Variants in COL22A1 observed in about 807,000 individuals in gnomAD.
The protein encoded by COL22A1 is collagen type XXII alpha 1 chain, also known as collagen alpha-1(XXII) chain.
A neutral mutation model predicts 248.9 loss-of-function variants in COL22A1; 221 were observed. The observed-to-expected ratio is 0.89, with a 90% CI of 0.80 to 0.99. The LOEUF (loss-of-function observed/expected upper bound fraction) is 0.99, where lower values mean the gene tolerates loss of function less well. Among genes scored for constraint, COL22A1 ranks in the 50% least tolerant of loss-of-function variants. The pLI, the probability that COL22A1 is intolerant of heterozygous loss-of-function variation, is 0.00. For missense variants in COL22A1, 2,240 were observed against 2,179.0 expected (o/e 1.03, Z -0.56); for synonymous variants, 891 against 793.4 (o/e 1.12, Z -2.07).
intron 24 of COL22A1, among the ~76,000 whole-genome samples, 160 bp downstream of exon 24, chr8:138,725,227 G>T (rs1388080189): frequency 1.3e-5 from 2 of 152,236 alleles, no homozygotes; most frequent in Admixed American, 1.3e-4. Context: ...GGAGAGTCCA[G>T]AAGCTGGCGG....
At chr8:138,684,383 G>A (rs759160665) in intron 39 of COL22A1, 42 bp downstream of exon 39, 5 of 1,368,614 alleles carry the variant, frequency 3.7e-6, no homozygotes, top group Non-Finnish European at 4.2e-6. Flanking sequence ...TCTTTCAAAC[G>A]GCAACTCGTG....
At chr8:138,755,572 T>A in intron 19 of COL22A1, 61 bp from the exon 20 acceptor site, 1 of 1,571,672 alleles carries the variant, frequency 6.4e-7, no homozygotes, top group Non-Finnish European at 8.8e-7. Flanking sequence ...AGTCAACCTC[T>A]CTCAGCTGCA....
intron 3 of COL22A1, among the ~76,000 whole-genome samples, chr8:138,858,693 GC>G (rs966870442): frequency 6.6e-6 from 1 of 152,226 alleles, no homozygotes; most frequent in Admixed American, 6.5e-5. Context: ...ATCGCTCAGT[GC>G]TCGACCCCGG....
Position 138,830,646 on chromosome 8 carries a change from C to T in COL22A1, c.845+2393G>A, listed in dbSNP as rs182353012. On this transcript the variant is annotated intron_variant, in intron 5 of 64. Coordinates refer to ENST00000303045, the MANE Select transcript of COL22A1 (RefSeq NM_152888.3). ...CCACAGAGCATTGCCTGAATTCGGC[C>T]GCTTTGCTCTTTGATGCAAGTGCTT... 5.9e-3 allele frequency among the ~76,000 whole-genome samples: 893 copies of T among 152,322 alleles called. 11 individuals are homozygous for T. Among genetic ancestry groups the T allele is most frequent in the Non-Finnish European group, 8.2e-3 (556 of 68,038 alleles).
In COL22A1 at chr8:138,693,530, TTC is replaced by T; in HGVS notation, c.2754+114_2754+115del. On this transcript the variant is annotated intron_variant, in intron 35 of 64. Transcript: ENST00000303045. ...CCAACCACTCAAGTGTGGGTGAACC[TTC>T]TGGGCCACGTCCTCCTAGCTAGCCC... 2.7e-6 allele frequency: 3 copies of T among 1,095,440 alleles called. No individual in the cohort carries two copies. The South Asian group carries it at 4.0e-5, about 15-fold the overall frequency. The allele number at this position is 1,095,440 out of a possible 1,614,324, so 67.9% of individuals were successfully genotyped here.
intron 7 of COL22A1, among the ~76,000 whole-genome samples, chr8:138,820,707 C>CTT (rs1563807683): frequency 1.3e-5 from 2 of 151,960 alleles, no homozygotes; most frequent in African/African-American, 4.8e-5. Context: ...CACCTACCTG[C>CTT]ATATATATAT....
At chr8:138,811,294 CAT>C (rs555255717) in intron 9 of COL22A1, among the ~76,000 whole-genome samples, 173 of 129,218 alleles carry the variant, frequency 1.3e-3, no homozygotes, top group Admixed American at 1.7e-3. Context: ...CACACACACA[CAT>C]ATATATATAC....
At chr8:138,758,909 A>G (rs1180797995) in intron 18 of COL22A1, among the ~76,000 whole-genome samples, 1 of 152,162 alleles carries the variant, frequency 6.6e-6, no homozygotes, top group East Asian at 1.9e-4. Flanking sequence ...TATAACACCC[A>G]CACATAGGCG....
chr8:138,870,658 G>A (rs184185934), intron 3 of COL22A1, among the ~76,000 whole-genome samples: 23 of 151,882 alleles, frequency 1.5e-4, no homozygotes, highest in Admixed American at 3.9e-4. Context: ...TTCATGTGGC[G>A]TGTGCAAAAC....
chr8:138,685,711 G>A (rs1301544329), intron 37 of COL22A1, among the ~76,000 whole-genome samples: 2 of 152,120 alleles, frequency 1.3e-5, no homozygotes, highest in African/African-American at 4.8e-5. Context: ...GCCAAGGAGA[G>A]AGGCCTGGAA....
chr8:138,887,183 C>A (rs149246415), intron 1 of COL22A1, among the ~76,000 whole-genome samples: 35 of 151,900 alleles, frequency 2.3e-4, no homozygotes, highest in African/African-American at 8.5e-4. Context: ...CCACCTCTCC[C>A]CACCCCTAGC....
At chr8:138,721,933 ACC>A in intron 26 of COL22A1, 101 bp downstream of exon 26, 3 of 897,698 alleles carry the variant, frequency 3.3e-6, no homozygotes, top group Non-Finnish European at 5.4e-6. Flanking sequence ...CTGATCGAAG[ACC>A]CAGGCAATTG....
At chr8:138,910,732 T>C (rs1445477467) in intron 1 of COL22A1, among the ~76,000 whole-genome samples, 1 of 152,166 alleles carries the variant, frequency 6.6e-6, no homozygotes, top group Non-Finnish European at 1.5e-5. Flanking sequence ...CCCGCATCAT[T>C]CCCAGCATGT....
intron 12 of COL22A1, among the ~76,000 whole-genome samples, chr8:138,788,939 C>T (rs1254760358): frequency 6.6e-6 from 1 of 152,230 alleles, no homozygotes. Flanking sequence ...CCCACTGTTA[C>T]ACAGCTGCTA....
intron 52 of COL22A1, among the ~76,000 whole-genome samples, chr8:138,620,995 A>AT (rs1819752692): frequency 3.1e-4 from 7 of 22,914 alleles, no homozygotes; most frequent in Middle Eastern, 0.056. Flanking sequence ...CCATCCATCC[A>AT]CCCATCCATC....
At chr8:138,676,798 C>T (rs892726318) in intron 40 of COL22A1, among the ~76,000 whole-genome samples, 163 bp from the exon 41 acceptor site, 9 of 152,222 alleles carry the variant, frequency 5.9e-5, no homozygotes, top group Non-Finnish European at 1.5e-5. Context: ...CATCATCCCA[C>T]TCAGCCCAAT....
intron 27 of COL22A1, among the ~76,000 whole-genome samples, chr8:138,720,456 G>A (rs986658731): frequency 6.6e-6 from 1 of 151,938 alleles, no homozygotes; most frequent in African/African-American, 2.4e-5. Context: ...CTCTCGTGGG[G>A]GATAGTGCCT....
intron 63 of COL22A1, among the ~76,000 whole-genome samples, chr8:138,592,405 C>T (rs1207168085): frequency 2.0e-5 from 3 of 152,124 alleles, no homozygotes; most frequent in African/African-American, 7.2e-5. Flanking sequence ...GACTTCAGAC[C>T]ATTCATTTTT....
intron 47 of COL22A1, 146 bp from the exon 48 acceptor site, chr8:138,636,941 CAGAT>C (rs1207651421): frequency 8.5e-6 from 6 of 704,292 alleles, no homozygotes; most frequent in Non-Finnish European, 1.2e-5. Flanking sequence ...ACGGTGGCAG[CAGAT>C]AGATAGAAAC....
Sources: allele counts gnomAD v4.1 joint callset (sites outside exome capture counted in the v4.1 genomes callset), GRCh38; gene constraint gnomAD v4.1.1; transcripts MANE v1.5; gene names NCBI Gene and HGNC (gene_info 2026-07-23, HGNC 2026-07-21).